Variants in IL31 observed in about 807,000 individuals in gnomAD.
IL31 encodes the protein interleukin 31, also known as interleukin-31.
In IL31, 8 loss-of-function variants were observed where a neutral mutation model predicts 7.8. The ratio of observed to expected loss-of-function variants is 1.02; its 90% CI spans 0.60 to 1.84. The LOEUF is 1.84. Among genes scored for constraint, IL31 ranks in the 40% most tolerant of loss-of-function variants. The probability of loss-of-function intolerance (pLI) is 0.00; values close to 1 mark genes in which losing one functional copy is unlikely to be tolerated. For synonymous variants in IL31, 87 were observed against 86.5 expected (o/e 1.01, Z -0.03); for missense variants, 162 against 205.6 (o/e 0.79, Z 1.30).
chr12:122,172,156 A>C lies in IL31; in HGVS notation c.*256T>G. Reference sequence around the variant, plus strand: ...TGCCACCTCCCACCCTCACGAGGGTATAATAAGTAAGACTTAAGCCTGCAG... The same window carrying C: ...TGCCACCTCCCACCCTCACGAGGGTCTAATAAGTAAGACTTAAGCCTGCAG... On this transcript the variant is annotated 3_prime_UTR_variant, in exon 3 of 3. Coordinates refer to ENST00000377035, the MANE Select transcript of IL31 (RefSeq NM_001014336.2). 7.8e-6 allele frequency: 3 copies of C among 386,052 alleles called. No homozygotes were observed. Among genetic ancestry groups the C allele is most frequent in the Non-Finnish European group, 9.4e-6 (2 of 212,674 alleles). The allele number at this position is 386,052 out of a possible 1,614,324, so 23.9% of individuals were successfully genotyped here.
chr12:122,173,833 A>G lies in IL31; in HGVS notation c.165+11T>C, dbSNP rs779264886. On this transcript the variant is annotated intron_variant, in intron 2 of 2. Coordinates refer to ENST00000377035, the MANE Select transcript of IL31 (RefSeq NM_001014336.2). Reference sequence around the variant, plus strand: ...GAAATCGTTTAGAAAAGAAATCTCTAGGACACTCACATCTTTCAAAAGCAT... The same window carrying G: ...GAAATCGTTTAGAAAAGAAATCTCTGGGACACTCACATCTTTCAAAAGCAT... 1.9e-6 allele frequency: 3 copies of G among 1,611,690 alleles called. No individual in the cohort carries two copies. The highest frequency in any genetic ancestry group is 4.5e-5 in the East Asian group (2 of 44,856).
Position 122,172,747 on chromosome 12 carries a change from G to T in IL31, c.166-6C>A. On this transcript the variant is annotated splice_polypyrimidine_tract_variant and splice_region_variant and intron_variant, in intron 2 of 2. Transcript: ENST00000377035. ...ACGCCCTTCTCTTCCTCCACCTGTG[G>T]AATGAGGAGAAATGGTCAGTGTTGG... The T allele has an allele frequency of 6.3e-7, 1 of 1,595,610 alleles. No individual in the cohort carries two copies. The highest frequency in any genetic ancestry group is 1.1e-5 in the South Asian group (1 of 89,400).
rs200730400 is a variant in IL31, at chr12:122,173,556, T to C, written c.165+288A>G. 3.1e-4 allele frequency among the ~76,000 whole-genome samples: 47 copies of C among 152,142 alleles called. No homozygotes were observed. The East Asian group carries it at 7.7e-3, about 25-fold the overall frequency. ...AAAATTAGCTGGGCGTGGTGGCGCA[T>C]GCCTGTAGTCCCAGCTACTCGGGAG... is the stretch of plus-strand genomic sequence containing the variant. On this transcript the variant is annotated intron_variant, in intron 2 of 2. Coordinates refer to ENST00000377035, the MANE Select transcript of IL31 (RefSeq NM_001014336.2).
In IL31 at chr12:122,172,216, C is replaced by T; in HGVS notation, c.*196G>A. 1.8e-6 allele frequency: 1 copy of T among 545,330 alleles called. No homozygotes were observed. Among genetic ancestry groups the T allele is most frequent in the Non-Finnish European group, 3.3e-6 (1 of 306,498 alleles). 33.8% of individuals were successfully genotyped at this position (545,330 alleles called of 1,614,324 possible). On this transcript the variant is annotated 3_prime_UTR_variant, in exon 3 of 3. Transcript: ENST00000377035. ...ATTCCATAAATACCAAGACTAATAA[C>T]AATAACCTAATGTTTTTCAAGGTAA...
chr12:122,173,986 G>A lies in IL31; in HGVS notation c.23C>T (p.Ser8Leu), dbSNP rs143062271. Residue 8 changes from serine (S) to leucine (L), a missense_variant, in exon 2 of 3, where the codon TCG becomes TTG. Ser to Leu is a moderately radical substitution (Grantham distance 145). Transcript: ENST00000377035. ...GCAGAACAGAAAGAGCACAGACGTC[G>A]AGGGGCCTGGAGAGAGAACGATGCC... MASHSGP[S>L]TSVLFLFCCL... 248 of 1,614,000 alleles carry A rather than the reference G, an allele frequency of 1.5e-4. No homozygotes were observed. The African/African-American group carries it at 2.9e-3, about 19-fold the overall frequency.
intron 2 of IL31, among the ~76,000 whole-genome samples, chr12:122,173,439 T>A (rs1359939607): frequency 6.6e-6 from 1 of 152,218 alleles, no homozygotes; most frequent in Non-Finnish European, 1.5e-5. Flanking sequence ...ATCCCAGCAC[T>A]TTGGGAGGCC....
intron 2 of IL31, among the ~76,000 whole-genome samples, chr12:122,173,426 G>A (rs573679734): frequency 2.5e-4 from 38 of 152,350 alleles, no homozygotes; most frequent in Non-Finnish European, 3.8e-4. Context: ...GCTCACGCCT[G>A]TAATCCCAGC....
Position 122,172,148 on chromosome 12 carries a change from A to C in IL31, c.*264T>G, listed in dbSNP as rs1008906606. 2.8e-6 allele frequency: 1 copy of C among 357,634 alleles called. No individual in the cohort carries two copies. The highest frequency in any genetic ancestry group is 5.1e-6 in the Non-Finnish European group (1 of 196,032). 22.2% of individuals were successfully genotyped at this position (357,634 alleles called of 1,614,324 possible). On this transcript the variant is annotated 3_prime_UTR_variant, in exon 3 of 3. Transcript: ENST00000377035. ...AACATAGCTGCCACCTCCCACCCTCACGAGGGTATAATAAGTAAGACTTAA... is the reference window on the plus strand; with the variant it reads ...AACATAGCTGCCACCTCCCACCCTCCCGAGGGTATAATAAGTAAGACTTAA...
Position 122,172,644 on chromosome 12 carries a change from A to G in IL31, c.263T>C (p.Ile88Thr). Reference sequence around the variant, plus strand: ...TCTGATTGTCTTGAGATATGCCCGGATGGCTGGGCTGTGGATGTTGTTTGG... The same window carrying G: ...TCTGATTGTCTTGAGATATGCCCGGGTGGCTGGGCTGTGGATGTTGTTTGG... ...QPPNNIHSPA[I>T]RAYLKTIRQL... The change falls in exon 3 of 3, where the codon ATC (isoleucine) becomes ACC (threonine). Residue 88 changes from isoleucine (I) to threonine (T), a missense_variant. Coordinates refer to ENST00000377035, the MANE Select transcript of IL31 (RefSeq NM_001014336.2). The G allele has an allele frequency of 6.2e-7, 1 of 1,614,110 alleles. No individual in the cohort carries two copies.
intron 2 of IL31, 60 bp downstream of exon 2, chr12:122,173,784 G>A: frequency 2.7e-6 from 4 of 1,476,834 alleles, no homozygotes; most frequent in Non-Finnish European, 3.8e-6. Flanking sequence ...AGCCTCTTTG[G>A]AGGGCAATGG....
chr12:122,173,817 T>C (rs1162612263), intron 2 of IL31, 27 bp downstream of exon 2: 1 of 1,604,154 alleles, frequency 6.2e-7, no homozygotes, highest in East Asian at 2.2e-5. Context: ...AGAAATCGTT[T>C]AGAAAAGAAA....
At chr12:122,172,843 A>T in intron 2 of IL31, 102 bp from the exon 3 acceptor site, 1 of 883,610 alleles carries the variant, frequency 1.1e-6, no homozygotes, top group South Asian at 1.7e-5. Context: ...CCTCGTTGAT[A>T]TATTTATCTG....
intron 2 of IL31, among the ~76,000 whole-genome samples, chr12:122,172,970 G>A (rs533645641): frequency 6.6e-6 from 1 of 152,272 alleles, no homozygotes; most frequent in East Asian, 1.9e-4. Flanking sequence ...CCATCCAGCT[G>A]AGGCCTCCCA....
In IL31 at chr12:122,172,645, T is replaced by C; in HGVS notation, c.262A>G (p.Ile88Val). 1 of 1,614,176 alleles carries C rather than the reference T, an allele frequency of 6.2e-7. No individual in the cohort carries two copies. The highest frequency in any genetic ancestry group is 8.5e-7 in the Non-Finnish European group (1 of 1,180,022). Residue 88 changes from isoleucine (I) to valine (V), a missense_variant, in exon 3 of 3, where the codon ATC becomes GTC. Ile to Val is a conservative substitution (Grantham distance 29). Coordinates refer to ENST00000377035, the MANE Select transcript of IL31 (RefSeq NM_001014336.2). ...CTGATTGTCTTGAGATATGCCCGGA[T>C]GGCTGGGCTGTGGATGTTGTTTGGC... ...QPPNNIHSPA[I>V]RAYLKTIRQL... is the part of the protein sequence containing the mutation.
rs1387230595 is a variant in IL31, at chr12:122,172,281, T to C, written c.*131A>G. On this transcript the variant is annotated 3_prime_UTR_variant, in exon 3 of 3. Transcript: ENST00000377035. ...TCTCAGCCCTCCCGGGACTAGCCCA[T>C]ATGAGGGGTCCCTGAGATTATTCAT... The C allele has an allele frequency of 4.5e-6, 3 of 669,848 alleles. No individual in the cohort carries two copies. The highest frequency in any genetic ancestry group is 5.3e-5 in the East Asian group (2 of 37,840). 41.5% of individuals were successfully genotyped at this position (669,848 alleles called of 1,614,324 possible). A position where few individuals can be genotyped will look rare whatever the true frequency, so the allele number is the denominator to read the frequency against.
intron 2 of IL31, 66 bp from the exon 3 acceptor site, chr12:122,172,807 T>A (rs1359031979): frequency 8.0e-7 from 1 of 1,254,364 alleles, no homozygotes; most frequent in Non-Finnish European, 1.1e-6. Flanking sequence ...TAACAGTGAA[T>A]GTTTGCATGC....
chr12:122,172,844 T>C (rs1188352092), intron 2 of IL31, 103 bp from the exon 3 acceptor site: 9 of 875,376 alleles, frequency 1.0e-5, no homozygotes, highest in South Asian at 1.7e-5. Flanking sequence ...CTCGTTGATA[T>C]ATTTATCTGA....
Position 122,173,932 on chromosome 12 carries a change from G to T in IL31, c.77C>A (p.Thr26Lys). The T allele has an allele frequency of 1.9e-6, 3 of 1,614,116 alleles. No homozygotes were observed. Among genetic ancestry groups the T allele is most frequent in the South Asian group, 2.2e-5 (2 of 91,082 alleles). Residue 26 changes from threonine to lysine, a missense_variant, in exon 2 of 3, where the codon ACG becomes AAG. By Grantham distance (78) the Thr-to-Lys change is moderately conservative (BLOSUM62 -1). Transcript: ENST00000377035. ...CCLGGWLASHTLPVRLLRPSD... is the reference protein window; with the variant it reads ...CCLGGWLASHKLPVRLLRPSD... ...TGGTCGTAGTAAACGGACGGGCAACGTGTGGGAGGCCAGCCAGCCTCCCAG... is the reference window on the plus strand; with the variant it reads ...TGGTCGTAGTAAACGGACGGGCAACTTGTGGGAGGCCAGCCAGCCTCCCAG...
chr12:122,173,840 T>G lies in IL31; in HGVS notation c.165+4A>C. 6.2e-7 allele frequency: 1 copy of G among 1,613,026 alleles called. No individual in the cohort carries two copies. Among genetic ancestry groups the G allele is most frequent in the Non-Finnish European group, 8.5e-7 (1 of 1,179,208 alleles). On this transcript the variant is annotated splice_donor_region_variant and intron_variant, in intron 2 of 2. Coordinates refer to ENST00000377035, the MANE Select transcript of IL31 (RefSeq NM_001014336.2). ...TTTAGAAAAGAAATCTCTAGGACAC[T>G]CACATCTTTCAAAAGCATCTTCGAG...
Sources: gnomAD v4.1 joint callset for allele counts (sites outside exome capture counted in the v4.1 genomes callset) on GRCh38, gnomAD v4.1.1 for gene constraint, MANE v1.5 for transcripts, NCBI Gene and HGNC (gene_info 2026-07-23, HGNC 2026-07-21) for gene names.